The following HS6ST3 variants were observed in gnomAD, a reference collection of about 807,000 sequenced individuals.
HS6ST3 encodes heparan-sulfate 6-O-sulfotransferase 3.
A neutral mutation model predicts 36.7 loss-of-function variants in HS6ST3; 12 were observed. The observed-to-expected ratio is 0.33, with a 90% CI of 0.21 to 0.53. The LOEUF (loss-of-function observed/expected upper bound fraction) is 0.53, where lower values mean the gene tolerates loss of function less well. Among genes scored for constraint, HS6ST3 ranks in the 20% least tolerant of loss-of-function variants. The probability of loss-of-function intolerance (pLI) is 0.95; values close to 1 mark genes in which losing one functional copy is unlikely to be tolerated. For synonymous variants in HS6ST3, 240 were observed against 257.5 expected, an observed-to-expected ratio of 0.93 and a Z score of 0.65; for missense variants, 584 against 640.9, an observed-to-expected ratio of 0.91 and a Z score of 0.96.
At position 96,365,476 on chromosome 13, in the gene HS6ST3, A is replaced by AT. The variant is rs368982827; in HGVS notation, c.707+273913dup. On this transcript the variant is annotated intron_variant, in intron 1 of 1. Transcript: ENST00000376705. ...ACCACATTTAACAAATATTTATCCTATTTTTTCTCTTTTTTTTCTGCTCCA... is the reference window on the plus strand; with the variant it reads ...ACCACATTTAACAAATATTTATCCTATTTTTTTCTCTTTTTTTTCTGCTCCA... Among the ~76,000 whole-genome samples, 144 of 152,182 alleles carry AT rather than the reference A, an allele frequency of 9.5e-4. 3 individuals are homozygous for AT. The highest frequency in any genetic ancestry group is 3.3e-3 in the African/African-American group (136 of 41,538).
At chr13:96,648,389 T>G (rs2056596034) in intron 1 of HS6ST3, among the ~76,000 whole-genome samples, 1 of 152,060 alleles carries the variant, frequency 6.6e-6, no homozygotes, top group Non-Finnish European at 1.5e-5. Context: ...CTTGGTCCTA[T>G]TTTTTCTCTG....
At chr13:96,607,062 C>G (rs1253745088) in intron 1 of HS6ST3, among the ~76,000 whole-genome samples, 1 of 152,120 alleles carries the variant, frequency 6.6e-6, no homozygotes, top group Non-Finnish European at 1.5e-5. Flanking sequence ...ATTCAAAAAG[C>G]TTTTCTAAGT....
chr13:96,115,648 T>C (rs1445394153), intron 1 of HS6ST3, among the ~76,000 whole-genome samples: 2 of 152,222 alleles, frequency 1.3e-5, no homozygotes, highest in African/African-American at 4.8e-5. Context: ...CAGTCTATCA[T>C]TGGGCATTCG....
At chr13:96,173,669 T>TAAAAAA (rs5805954) in intron 1 of HS6ST3, among the ~76,000 whole-genome samples, 2 of 94,862 alleles carry the variant, frequency 2.1e-5, no homozygotes, top group Non-Finnish European at 3.9e-5. Context: ...TCACAGGTTG[T>TAAAAAA]AAAAAAAAAA....
chr13:96,122,450 T>G (rs2053930378), intron 1 of HS6ST3, among the ~76,000 whole-genome samples: 1 of 152,138 alleles, frequency 6.6e-6, no homozygotes, highest in Non-Finnish European at 1.5e-5. Context: ...AATACATGTA[T>G]TTTCTGTTTA....
At chr13:96,692,651 T>C (rs1874998309) in intron 1 of HS6ST3, among the ~76,000 whole-genome samples, 1 of 152,202 alleles carries the variant, frequency 6.6e-6, no homozygotes, top group Admixed American at 6.5e-5. Context: ...TCTATTTTTA[T>C]GTGAATATTA....
intron 1 of HS6ST3, among the ~76,000 whole-genome samples, chr13:96,664,714 A>G (rs1007159648): frequency 6.6e-6 from 1 of 152,190 alleles, no homozygotes; most frequent in African/African-American, 2.4e-5. Flanking sequence ...TTCCTAAGAC[A>G]GTATCAGAAC....
At chr13:96,507,555 G>A (rs2056031528) in intron 1 of HS6ST3, among the ~76,000 whole-genome samples, 1 of 152,014 alleles carries the variant, frequency 6.6e-6, no homozygotes, top group African/African-American at 2.4e-5. Flanking sequence ...GGCATAGACA[G>A]CTTGTTGCTT....
At chr13:96,774,273 C>T (rs1408743651) in intron 1 of HS6ST3, among the ~76,000 whole-genome samples, 1 of 152,122 alleles carries the variant, frequency 6.6e-6, no homozygotes, top group East Asian at 1.9e-4. Flanking sequence ...TGCCTCTTCT[C>T]CTCCAAAGGA....
chr13:96,377,658 C>T (rs1165773687), intron 1 of HS6ST3, among the ~76,000 whole-genome samples: 2 of 152,110 alleles, frequency 1.3e-5, no homozygotes, highest in East Asian at 1.9e-4. Context: ...TACATTAAGG[C>T]ACAGACTTAG....
At chr13:96,318,631 C>T (rs2139413639) in intron 1 of HS6ST3, among the ~76,000 whole-genome samples, 1 of 151,866 alleles carries the variant, frequency 6.6e-6, no homozygotes, top group East Asian at 1.9e-4. Context: ...ACCCCAGCAC[C>T]ATTTATTGAA....
intron 1 of HS6ST3, among the ~76,000 whole-genome samples, chr13:96,491,325 G>A (rs2055944226): frequency 6.6e-6 from 1 of 151,928 alleles, no homozygotes; most frequent in Admixed American, 6.6e-5. Context: ...AGTATTCTGT[G>A]GCAGGTCGGA....
Position 96,301,768 on chromosome 13 carries a change from G to A in HS6ST3, c.707+210199G>A, listed in dbSNP as rs149664665. 4.6e-5 allele frequency among the ~76,000 whole-genome samples: 7 copies of A among 151,678 alleles called. No individual in the cohort carries two copies. The East Asian group carries it at 1.2e-3, about 25-fold the overall frequency. ...ACAAACAAACAAAAAAAATTAGTTGGGCACGGTGGTGGGTGCCTTTAATCC... is the reference window on the plus strand; with the variant it reads ...ACAAACAAACAAAAAAAATTAGTTGAGCACGGTGGTGGGTGCCTTTAATCC... On this transcript the variant is annotated intron_variant, in intron 1 of 1. Transcript: ENST00000376705.
intron 1 of HS6ST3, among the ~76,000 whole-genome samples, chr13:96,385,704 T>A (rs948646063): frequency 5.9e-5 from 9 of 152,228 alleles, no homozygotes; most frequent in African/African-American, 2.2e-4. Context: ...AGTCACAGGA[T>A]TATGTTCTAT....
chr13:96,737,543 T>A (rs1177599071), intron 1 of HS6ST3, among the ~76,000 whole-genome samples: 1 of 140,524 alleles, frequency 7.1e-6, no homozygotes, highest in African/African-American at 2.7e-5. Flanking sequence ...GAGAATGGCG[T>A]GAACCCGGGA....
At chr13:96,336,897 A>G (rs2055104121) in intron 1 of HS6ST3, among the ~76,000 whole-genome samples, 1 of 152,222 alleles carries the variant, frequency 6.6e-6, no homozygotes, top group South Asian at 2.1e-4. Context: ...GCCAAGAAGT[A>G]TGCTCTGATT....
At chr13:96,543,047 A>T (rs1235749539) in intron 1 of HS6ST3, among the ~76,000 whole-genome samples, 3 of 152,268 alleles carry the variant, frequency 2.0e-5, no homozygotes, top group Non-Finnish European at 2.9e-5. Flanking sequence ...AGGAAAAAAC[A>T]CTTTTCATGC....
At chr13:96,589,672 C>A (rs757284679) in intron 1 of HS6ST3, among the ~76,000 whole-genome samples, 20 of 151,840 alleles carry the variant, frequency 1.3e-4, no homozygotes, top group Admixed American at 2.0e-4. Context: ...CTATAAACAT[C>A]CCTCATAGAA....
chr13:96,284,217 T>G (rs1419336383), intron 1 of HS6ST3, among the ~76,000 whole-genome samples: 4 of 152,114 alleles, frequency 2.6e-5, no homozygotes, highest in African/African-American at 9.7e-5. Context: ...GGCACAGACC[T>G]AATAGGATAG....
Sources: gnomAD v4.1 joint callset for allele counts (sites outside exome capture counted in the v4.1 genomes callset) on GRCh38, gnomAD v4.1.1 for gene constraint, MANE v1.5 for transcripts, NCBI Gene and HGNC (gene_info 2026-07-23, HGNC 2026-07-21) for gene names.